Variants in KIZ observed in about 807,000 individuals in gnomAD.
KIZ encodes the protein centrosomal protein kizuna.
In KIZ, 68 loss-of-function variants were observed where a neutral mutation model predicts 79.6. The ratio of observed to expected loss-of-function variants is 0.85; its 90% CI spans 0.70 to 1.05. The LOEUF (loss-of-function observed/expected upper bound fraction) is 1.05, where lower values mean the gene tolerates loss of function less well. KIZ is among the 50% of genes least tolerant of loss of function. The probability of loss-of-function intolerance (pLI) is 0.00; values close to 1 mark genes in which losing one functional copy is unlikely to be tolerated. For missense variants in KIZ, 797 were observed against 800.4 expected, an observed-to-expected ratio of 1.00 and a Z score of 0.05; for synonymous variants, 280 against 281.8, an observed-to-expected ratio of 0.99 and a Z score of 0.06.
chr20:21,142,231 C>T (rs899680614), intron 3 of KIZ, among the ~76,000 whole-genome samples: 4 of 152,102 alleles, frequency 2.6e-5, no homozygotes, highest in African/African-American at 9.7e-5. Context: ...TTTCCCCCTG[C>T]CCTGCCTTAG....
chr20:21,208,255 A>G (rs1222182712), intron 7 of KIZ, among the ~76,000 whole-genome samples: 1 of 152,156 alleles, frequency 6.6e-6, no homozygotes, highest in East Asian at 1.9e-4. Context: ...CAATTTTTCC[A>G]ATAATGGGAG....
chr20:21,191,593 G>T (rs1347323084), intron 6 of KIZ, among the ~76,000 whole-genome samples: 1 of 152,202 alleles, frequency 6.6e-6, no homozygotes, highest in Non-Finnish European at 1.5e-5. Flanking sequence ...GGCAGTGACT[G>T]GATGCTCATT....
At chr20:21,167,572 T>C (rs906937723) in intron 6 of KIZ, among the ~76,000 whole-genome samples, 1 of 149,078 alleles carries the variant, frequency 6.7e-6, no homozygotes, top group Non-Finnish European at 1.5e-5. Context: ...TTTTTTTTTT[T>C]TTTTTTGAGA....
intron 11 of KIZ, among the ~76,000 whole-genome samples, chr20:21,237,499 G>A (rs917047685): frequency 2.0e-5 from 3 of 151,922 alleles, no homozygotes; most frequent in Admixed American, 6.6e-5. Context: ...TGTCAAGCAC[G>A]GGTAGTCTGC....
rs183644552 is a variant in KIZ at position 21,141,703 on chromosome 20, T to C, written c.316-3862T>C. On this transcript the variant is annotated intron_variant, in intron 3 of 12. Transcript: ENST00000619189. ...AAGAGTCTTCATCTGGTTAGGTCTC[T>C]CCTTGGCCTGAAATGCTGGCCCAGG... 2.6e-4 allele frequency among the ~76,000 whole-genome samples: 40 copies of C among 152,152 alleles called. No homozygotes were observed. In the East Asian group the frequency reaches 7.5e-3, roughly 29 times the overall value.
intron 6 of KIZ, among the ~76,000 whole-genome samples, chr20:21,189,866 C>T (rs949995772): frequency 2.6e-5 from 4 of 152,200 alleles, no homozygotes; most frequent in Non-Finnish European, 4.4e-5. Context: ...GCTGTCCCCT[C>T]CTTCCCTCCT....
chr20:21,238,352 A>AGTGTGT (rs1555889304), intron 11 of KIZ, among the ~76,000 whole-genome samples: 80,695 of 149,076 alleles, frequency 0.54, 23,116 homozygotes, highest in South Asian at 0.75. Flanking sequence ...AGAGAGAGAG[A>AGTGTGT]GTGTGTGTGT....
At chr20:21,191,811 T>G (rs757704346) in intron 6 of KIZ, among the ~76,000 whole-genome samples, 3 of 151,818 alleles carry the variant, frequency 2.0e-5, no homozygotes, top group Non-Finnish European at 4.4e-5. Context: ...GTTTGTTTTG[T>G]TTTTTGGAGA....
chr20:21,178,091 CTTGTT>C (rs2122879262), intron 6 of KIZ, among the ~76,000 whole-genome samples: 1 of 151,762 alleles, frequency 6.6e-6, no homozygotes, highest in South Asian at 2.1e-4. Context: ...GAATTTTAGT[CTTGTT>C]TTTTTATTTC....
At chr20:21,169,471 A>G (rs956983639) in intron 6 of KIZ, among the ~76,000 whole-genome samples, 7 of 152,226 alleles carry the variant, frequency 4.6e-5, no homozygotes, top group Non-Finnish European at 8.8e-5. Flanking sequence ...ACACTTTTAC[A>G]CTATTGATGG....
chr20:21,207,794 A>G (rs1259431084), intron 7 of KIZ, among the ~76,000 whole-genome samples: 5 of 151,846 alleles, frequency 3.3e-5, no homozygotes, highest in Non-Finnish European at 7.4e-5. Flanking sequence ...ACCAGGGCTC[A>G]CTGCCTCCTG....
intron 4 of KIZ, among the ~76,000 whole-genome samples, chr20:21,148,158 G>A (rs1432620232): frequency 1.3e-5 from 2 of 152,094 alleles, no homozygotes; most frequent in African/African-American, 4.8e-5. Flanking sequence ...CAGAATGGAG[G>A]ACCTGTATTG....
chr20:21,232,766 A>T lies in KIZ; in HGVS notation c.1816A>T (p.Lys606Ter). 1 of 1,594,138 alleles carries T rather than the reference A, an allele frequency of 6.3e-7. No individual in the cohort carries two copies. The highest frequency in any genetic ancestry group is 1.1e-5 in the South Asian group (1 of 88,172). ...TATTGGCAGCGGTGCATTCGAGACA[A>T]AGACAGCTAACAAAATTGCTTCGGA... ...LNIGSGAFETKTANKIASEAS... is the reference protein window; with the variant it reads ...LNIGSGAFET The change falls in exon 11 of 13, where the codon AAG (lysine) becomes TAG (stop). Residue 606 changes from lysine to a stop codon, truncating the protein, a stop_gained. Coordinates refer to ENST00000619189, the MANE Select transcript of KIZ (RefSeq NM_018474.6). LOFTEE classifies it high-confidence loss of function.
rs570888860 is a variant in KIZ, at chr20:21,205,506, A to G, written c.1368A>G (p.Pro456=). The change falls in exon 7 of 13, where the codon CCA becomes CCG. Residue 456 remains proline, a synonymous_variant. Transcript: ENST00000619189. The part of the protein sequence containing the change: ...NAPTREPGQT[P]DSDVPRAQVG... ...TGTTTTATAGACCTGGACAAACACC[A>G]GACTCAGACGTACCGAGGGCACAGG... 9.9e-6 allele frequency: 15 copies of G among 1,510,380 alleles called. No individual in the cohort carries two copies. In the African/African-American group the frequency reaches 1.9e-4, roughly 19 times the overall value. 93.6% of individuals were successfully genotyped at this position (1,510,380 alleles called of 1,614,324 possible).
At chr20:21,154,721 T>A (rs2033289414) in intron 4 of KIZ, among the ~76,000 whole-genome samples, 3 of 152,236 alleles carry the variant, frequency 2.0e-5, no homozygotes, top group Admixed American at 2.0e-4. Flanking sequence ...TCAACAATAA[T>A]GTGAAACATG....
chr20:21,197,142 C>T (rs1190180235), intron 6 of KIZ: 1 of 152,066 alleles, frequency 6.6e-6, no homozygotes, highest in Non-Finnish European at 1.5e-5. Flanking sequence ...ATCATGCATC[C>T]CTCAAAATAG....
intron 6 of KIZ, chr20:21,166,162 TTTG>T: frequency 1.1e-6 from 1 of 919,930 alleles, no homozygotes; most frequent in Non-Finnish European, 1.6e-6. Context: ...TTTTTTTTTT[TTTG>T]TCCATGAGGC....
At chr20:21,231,249 A>T (rs2036822455) in intron 10 of KIZ, among the ~76,000 whole-genome samples, 1 of 152,092 alleles carries the variant, frequency 6.6e-6, no homozygotes, top group Admixed American at 6.5e-5. Context: ...GCTTGAACCC[A>T]GGAGGCAGAG....
At position 21,192,713 on chromosome 20, in the gene KIZ, C is replaced by T. The variant is rs558837535; in HGVS notation, c.1353-12778C>T. Among the ~76,000 whole-genome samples the T allele has an allele frequency of 1.8e-3, 270 of 152,196 alleles. 1 individual carries two copies. The highest frequency in any genetic ancestry group is 6.2e-3 in the African/African-American group (257 of 41,522). On this transcript the variant is annotated intron_variant, in intron 6 of 12. Transcript: ENST00000619189. Reference sequence around the variant, plus strand: ...GCAGAAGAATGATTATCCAGTAACCCATTGGGGTATGGATACTTTTTTACC... The same window carrying T: ...GCAGAAGAATGATTATCCAGTAACCTATTGGGGTATGGATACTTTTTTACC...
Sources: gnomAD v4.1 joint callset for allele counts (sites outside exome capture counted in the v4.1 genomes callset) on GRCh38, gnomAD v4.1.1 for gene constraint, MANE v1.5 for transcripts, NCBI Gene and HGNC (gene_info 2026-07-23, HGNC 2026-07-21) for gene names.